The following CRTAC1 variants were observed in gnomAD, a reference collection of about 807,000 sequenced individuals.
CRTAC1 encodes the protein acidic secreted protein in cartilage.
In CRTAC1, 37 loss-of-function variants were observed where a neutral mutation model predicts 67.8. That is an observed-to-expected ratio of 0.55 (90% CI 0.42 to 0.72). The LOEUF (loss-of-function observed/expected upper bound fraction) is 0.72. CRTAC1 is among the 30% of genes least tolerant of loss of function. The pLI, the probability that CRTAC1 is intolerant of heterozygous loss-of-function variation, is 0.00. For missense variants in CRTAC1, 780 were observed against 931.6 expected (o/e 0.84, Z 2.12); for synonymous variants, 348 against 371.0 (o/e 0.94, Z 0.71).
intron 2 of CRTAC1, among the ~76,000 whole-genome samples, chr10:97,989,116 T>C (rs1045253866): frequency 8.5e-5 from 13 of 152,212 alleles, no homozygotes; most frequent in Admixed American, 2.6e-4. Context: ...ATTTACATCA[T>C]TGGCTCCCCT....
chr10:97,968,920 A>G (rs1054929208), intron 2 of CRTAC1, among the ~76,000 whole-genome samples: 1 of 152,214 alleles, frequency 6.6e-6, no homozygotes, highest in African/African-American at 2.4e-5. Flanking sequence ...AGATGAGCTC[A>G]GAGATTTATT....
intron 6 of CRTAC1, among the ~76,000 whole-genome samples, chr10:97,907,686 G>C (rs1323508504): frequency 6.6e-6 from 1 of 152,086 alleles, no homozygotes; most frequent in Non-Finnish European, 1.5e-5. Flanking sequence ...GGGCCAAGGT[G>C]GGGAGAGGCA....
At chr10:97,985,638 G>A (rs1425309021) in intron 2 of CRTAC1, among the ~76,000 whole-genome samples, 1 of 152,188 alleles carries the variant, frequency 6.6e-6, no homozygotes, top group Non-Finnish European at 1.5e-5. Flanking sequence ...GGTCATCCCA[G>A]AGGTGCACTT....
chr10:98,021,752 C>T (rs1290780397), intron 1 of CRTAC1, among the ~76,000 whole-genome samples: 2 of 152,130 alleles, frequency 1.3e-5, no homozygotes, highest in Non-Finnish European at 2.9e-5. Context: ...CTGCTCGGTG[C>T]TCCCCTTCCA....
intron 3 of CRTAC1, among the ~76,000 whole-genome samples, chr10:97,924,977 T>G (rs970636892): frequency 1.3e-5 from 2 of 152,040 alleles, no homozygotes; most frequent in African/African-American, 4.8e-5. Context: ...AGTAAGAGTG[T>G]GTGAGTGGGC....
At chr10:97,865,831 AGGGT>A in intron 14 of CRTAC1, 117 bp from the exon 15 acceptor site, 2 of 383,832 alleles carry the variant, frequency 5.2e-6, no homozygotes, top group Non-Finnish European at 9.9e-6. Flanking sequence ...GGTGGGAGGG[AGGGT>A]GACGGGCCTC....
At chr10:97,999,857 C>T (rs991274189) in intron 2 of CRTAC1, among the ~76,000 whole-genome samples, 2 of 152,336 alleles carry the variant, frequency 1.3e-5, no homozygotes, top group Middle Eastern at 3.4e-3. Flanking sequence ...GAGCTATCCA[C>T]TCCAGGGCCC....
intron 2 of CRTAC1, among the ~76,000 whole-genome samples, chr10:97,951,867 T>C (rs928750083): frequency 6.6e-5 from 10 of 152,184 alleles, no homozygotes; most frequent in Non-Finnish European, 1.2e-4. Flanking sequence ...CCAGCATTTT[T>C]GGGGAGCACA....
intron 4 of CRTAC1, among the ~76,000 whole-genome samples, chr10:97,921,841 C>A (rs2050843363): frequency 6.6e-6 from 1 of 151,788 alleles, no homozygotes; most frequent in Non-Finnish European, 1.5e-5. Context: ...AAGTCAGGGG[C>A]TAAGCAGGGT....
chr10:98,004,897 C>A (rs1054809593), intron 2 of CRTAC1, among the ~76,000 whole-genome samples: 4 of 151,098 alleles, frequency 2.6e-5, no homozygotes, highest in African/African-American at 9.7e-5. Flanking sequence ...ACTCTTTCTC[C>A]ATATACATGA....
intron 4 of CRTAC1, among the ~76,000 whole-genome samples, chr10:97,921,685 T>C (rs2050840398): frequency 6.6e-6 from 1 of 152,196 alleles, no homozygotes; most frequent in African/African-American, 2.4e-5. Context: ...ACTTCCAGGC[T>C]GCCCTTGGCC....
chr10:98,024,728 G>C (rs1238777755), intron 1 of CRTAC1, among the ~76,000 whole-genome samples: 1 of 137,230 alleles, frequency 7.3e-6, no homozygotes, highest in Non-Finnish European at 1.6e-5. Context: ...TTTCTCTAAA[G>C]AGAATGATTA....
intron 4 of CRTAC1, among the ~76,000 whole-genome samples, chr10:97,919,673 C>T (rs1418467311): frequency 6.6e-6 from 1 of 152,118 alleles, no homozygotes; most frequent in Non-Finnish European, 1.5e-5. Flanking sequence ...AGCAACCACC[C>T]CCTAAGACCT....
At chr10:97,882,341 C>A (rs953946526) in intron 13 of CRTAC1, among the ~76,000 whole-genome samples, 1 of 152,216 alleles carries the variant, frequency 6.6e-6, no homozygotes, top group Non-Finnish European at 1.5e-5. Flanking sequence ...CAGTACTGCA[C>A]CAGGCTGCAG....
intron 2 of CRTAC1, among the ~76,000 whole-genome samples, chr10:97,971,283 C>G (rs1283999249): frequency 6.6e-6 from 1 of 152,160 alleles, no homozygotes; most frequent in East Asian, 1.9e-4. Flanking sequence ...AATGCATAAA[C>G]AAAATGTGGT....
At chr10:97,877,722 ACTC>A (rs2136534392) in intron 14 of CRTAC1, among the ~76,000 whole-genome samples, 1 of 152,054 alleles carries the variant, frequency 6.6e-6, no homozygotes, top group South Asian at 2.1e-4. Flanking sequence ...GGAACTTAGA[ACTC>A]CTCTTTGCAA....
chr10:98,021,854 T>C (rs1299900107), intron 1 of CRTAC1, among the ~76,000 whole-genome samples: 1 of 152,204 alleles, frequency 6.6e-6, no homozygotes, highest in Non-Finnish European at 1.5e-5. Context: ...TAGGGGACCC[T>C]GATGGAGTTC....
intron 1 of CRTAC1, among the ~76,000 whole-genome samples, chr10:98,019,921 T>C (rs1843081258): frequency 6.6e-6 from 1 of 152,190 alleles, no homozygotes; most frequent in African/African-American, 2.4e-5. Context: ...TGGGATGCTA[T>C]TCGCTGGGCC....
chr10:97,991,352 G>A (rs1393439947), intron 2 of CRTAC1, among the ~76,000 whole-genome samples: 2 of 151,866 alleles, frequency 1.3e-5, no homozygotes, highest in African/African-American at 4.8e-5. Context: ...GTCGGAGGTT[G>A]AAGTGAGCTG....
Sources: gnomAD v4.1 joint callset for allele counts (sites outside exome capture counted in the v4.1 genomes callset) on GRCh38, gnomAD v4.1.1 for gene constraint, MANE v1.5 for transcripts, NCBI Gene and HGNC (gene_info 2026-07-23, HGNC 2026-07-21) for gene names.